The following VAT1L variants were observed in gnomAD, a reference collection of about 807,000 sequenced individuals.
VAT1L encodes the protein putative NADPH-dependent quinone oxidoreductase VAT1L.
A neutral mutation model predicts 44.1 loss-of-function variants in VAT1L; 34 were observed. That is an observed-to-expected ratio of 0.77 (90% CI 0.59 to 1.03). VAT1L has a LOEUF of 1.03. VAT1L is among the 50% of genes least tolerant of loss of function. VAT1L has a pLI of 0.00. For missense variants in VAT1L, 615 were observed against 538.8 expected (o/e 1.14, Z -1.40); for synonymous variants, 253 against 202.2 (o/e 1.25, Z -2.13).
intron 7 of VAT1L, among the ~76,000 whole-genome samples, chr16:77,894,664 T>TA (rs1260547482): frequency 2.6e-5 from 4 of 152,220 alleles, no homozygotes; most frequent in African/African-American, 7.2e-5. Context: ...CTGAATATGC[T>TA]AAAAAAATGG....
At chr16:77,885,375 C>G (rs778976277) in intron 7 of VAT1L, among the ~76,000 whole-genome samples, 1 of 152,096 alleles carries the variant, frequency 6.6e-6, no homozygotes, top group South Asian at 2.1e-4. Flanking sequence ...AATGGAGCCT[C>G]GAAGGATACT....
chr16:77,896,670 C>A (rs1412274864), intron 7 of VAT1L, among the ~76,000 whole-genome samples: 4 of 152,304 alleles, frequency 2.6e-5, no homozygotes, highest in Non-Finnish European at 5.9e-5. Context: ...TTTCATCAGC[C>A]TGGTGCAGCA....
intron 3 of VAT1L, among the ~76,000 whole-genome samples, chr16:77,845,552 T>C (rs2016750316): frequency 2.0e-5 from 3 of 152,162 alleles, no homozygotes; most frequent in African/African-American, 7.2e-5. Flanking sequence ...ACTTTTACCC[T>C]AGGGTCCACT....
rs140798486 is a variant in VAT1L, at chr16:77,875,785, G to A, written c.723-585G>A. Among the ~76,000 whole-genome samples, 7 of 152,306 alleles carry A rather than the reference G, an allele frequency of 4.6e-5. No homozygotes were observed. The East Asian group carries it at 1.4e-3, about 29-fold the overall frequency. On this transcript the variant is annotated intron_variant, in intron 4 of 8. Coordinates refer to ENST00000302536, the MANE Select transcript of VAT1L (RefSeq NM_020927.3). ...AGGTTGGACCTAGACATTGGAGAAA[G>A]AGAAGCTTATGAGTTAGACTAACGT...
At chr16:77,961,293 C>A (rs1161027912) in intron 7 of VAT1L, among the ~76,000 whole-genome samples, 1 of 152,056 alleles carries the variant, frequency 6.6e-6, no homozygotes, top group Non-Finnish European at 1.5e-5. Flanking sequence ...TAGCTCCTGC[C>A]CACTCCGCTT....
chr16:77,942,859 C>T (rs962123132), intron 7 of VAT1L, among the ~76,000 whole-genome samples: 3 of 151,814 alleles, frequency 2.0e-5, no homozygotes, highest in Non-Finnish European at 4.4e-5. Flanking sequence ...ATTATCTCAC[C>T]TCAGCCTCCC....
intron 7 of VAT1L, among the ~76,000 whole-genome samples, chr16:77,937,316 C>T (rs1051432881): frequency 1.3e-5 from 2 of 152,192 alleles, no homozygotes; most frequent in African/African-American, 4.8e-5. Context: ...GGCCAGAGAC[C>T]TTCAGGATCC....
chr16:77,903,623 C>G (rs1239478435), intron 7 of VAT1L, among the ~76,000 whole-genome samples: 5 of 151,794 alleles, frequency 3.3e-5, no homozygotes, highest in African/African-American at 1.2e-4. Flanking sequence ...CTTGGAAATT[C>G]TGATTTGGAG....
chr16:77,928,325 GT>G (rs1204355538), intron 7 of VAT1L, among the ~76,000 whole-genome samples: 1 of 152,158 alleles, frequency 6.6e-6, no homozygotes, highest in East Asian at 1.9e-4. Flanking sequence ...TAACACACTT[GT>G]AAAAACTCAG....
At position 77,879,057 on chromosome 16, in the gene VAT1L, GT is replaced by G; in HGVS notation, c.827-108del. On this transcript the variant is annotated intron_variant, in intron 5 of 8. Transcript: ENST00000302536. This position sits in a 1 kb window ranked among gnomAD's most constrained non-coding sequence, Gnocchi z 4.1. ...ACTTTGCCAAGGCTTAATTAAATTT[GT>G]TTTCAAGATTTCTCCAGTTCCGGAC... 1 of 1,075,622 alleles carries G rather than the reference GT, an allele frequency of 9.3e-7. No individual in the cohort carries two copies. Among genetic ancestry groups the G allele is most frequent in the Non-Finnish European group, 1.4e-6 (1 of 715,798 alleles). 66.6% of individuals were successfully genotyped at this position (1,075,622 alleles called of 1,614,324 possible). A position where few individuals can be genotyped will look rare whatever the true frequency, so the allele number is the denominator to read the frequency against.
intron 7 of VAT1L, chr16:77,892,644 G>A: frequency 2.8e-6 from 2 of 703,122 alleles, no homozygotes; most frequent in South Asian, 1.4e-5. Context: ...GGCACTGGTG[G>A]CAACTCCATC....
Position 77,893,654 on chromosome 16 carries a change from G to A in VAT1L, c.1077+8852G>A, listed in dbSNP as rs186887708. ...CGCTAAGTACTAGGCATTGTTCTAA[G>A]TGCTTTATGTATTAACTGATCTAAA... On this transcript the variant is annotated intron_variant, in intron 7 of 8. Coordinates refer to ENST00000302536, the MANE Select transcript of VAT1L (RefSeq NM_020927.3). 4.2e-3 allele frequency among the ~76,000 whole-genome samples: 643 copies of A among 152,314 alleles called. 4 individuals are homozygous for A. The highest frequency in any genetic ancestry group is 5.6e-3 in the Non-Finnish European group (378 of 68,030).
intron 7 of VAT1L, among the ~76,000 whole-genome samples, chr16:77,926,268 A>G (rs1406765264): frequency 6.7e-6 from 1 of 150,150 alleles, no homozygotes; most frequent in Non-Finnish European, 1.5e-5. Flanking sequence ...AAAAAAAAAA[A>G]AAAAAAAAAT....
chr16:77,940,562 C>G (rs545880116), intron 7 of VAT1L, among the ~76,000 whole-genome samples: 4 of 152,106 alleles, frequency 2.6e-5, no homozygotes, highest in African/African-American at 9.6e-5. Flanking sequence ...TCATGCTGGT[C>G]TTAAACTCCT....
At chr16:77,956,759 G>T (rs2018108572) in intron 7 of VAT1L, among the ~76,000 whole-genome samples, 1 of 152,120 alleles carries the variant, frequency 6.6e-6, no homozygotes, top group East Asian at 1.9e-4. Flanking sequence ...AGAACACTTT[G>T]GTTGGCAATG....
In VAT1L at chr16:77,846,015, A is replaced by G. The variant is rs1309958197; in HGVS notation, c.580-16733A>G. Reference sequence around the variant, plus strand: ...CTAGAGGGGTCTTCTTGAAATCAGAATGGGCCTTAGCATCTCTGTGCTTCC... The same window carrying G: ...CTAGAGGGGTCTTCTTGAAATCAGAGTGGGCCTTAGCATCTCTGTGCTTCC... On this transcript the variant is annotated intron_variant, in intron 3 of 8. Coordinates refer to ENST00000302536, the MANE Select transcript of VAT1L (RefSeq NM_020927.3). 3.3e-5 allele frequency among the ~76,000 whole-genome samples: 5 copies of G among 152,086 alleles called. No homozygotes were observed. The East Asian group carries it at 9.6e-4, about 29-fold the overall frequency.
chr16:77,896,115 C>T (rs1030408136), intron 7 of VAT1L, among the ~76,000 whole-genome samples: 5 of 152,194 alleles, frequency 3.3e-5, no homozygotes, highest in East Asian at 3.9e-4. Flanking sequence ...CGCCAACCGC[C>T]GGAATATACC....
At chr16:77,841,723 T>C (rs2016707868) in intron 3 of VAT1L, among the ~76,000 whole-genome samples, 1 of 152,096 alleles carries the variant, frequency 6.6e-6, no homozygotes, top group South Asian at 2.1e-4. Context: ...GGAAACTATT[T>C]CCTCTGGAGA....
At chr16:77,936,609 G>A (rs1024726972) in intron 7 of VAT1L, among the ~76,000 whole-genome samples, 1 of 152,206 alleles carries the variant, frequency 6.6e-6, no homozygotes, top group African/African-American at 2.4e-5. Context: ...GGGAAACAGA[G>A]ACTCTTAGTG....
Sources: gnomAD v4.1 joint callset for allele counts (sites outside exome capture counted in the v4.1 genomes callset) on GRCh38, gnomAD v4.1.1 for gene constraint, Gnocchi (gnomAD v3.1) non-coding constraint, MANE v1.5 for transcripts, NCBI Gene and HGNC (gene_info 2026-07-23, HGNC 2026-07-21) for gene names.